The following NLRP9 variants were observed in gnomAD, a reference collection of about 807,000 sequenced individuals.
NLRP9 encodes the protein NLR family pyrin domain containing 9.
In NLRP9, 88 loss-of-function variants were observed where a neutral mutation model predicts 83.1. That is an observed-to-expected ratio of 1.06 (90% confidence interval 0.89 to 1.26). The LOEUF (loss-of-function observed/expected upper bound fraction) is 1.26, where lower values mean the gene tolerates loss of function less well. Ranked by LOEUF, NLRP9 falls within the 50% of genes most tolerant of loss-of-function variation. The pLI is 0.00. For missense variants in NLRP9, 1,308 were observed against 1,179.3 expected, an observed-to-expected ratio of 1.11 and a Z score of -1.60; for synonymous variants, 521 against 447.6, an observed-to-expected ratio of 1.16 and a Z score of -2.07.
At position 55,738,114 on chromosome 19, in the gene NLRP9, C is replaced by T. The variant is rs1475418585; in HGVS notation, c.261G>A (p.Lys87=). The change falls in exon 1 of 9, where the codon AAG becomes AAA. Residue 87 remains lysine, a synonymous_variant. Transcript: ENST00000332836. ...ACTTACTTCTCATCTCTTCCTGAGC[C>T]TTTGTCCAGAGATCTTTCCTATTGA... ...LQINRKDLWT[K]AQEEMRNKLN... The T allele has an allele frequency of 6.2e-7, 1 of 1,614,026 alleles. No individual in the cohort carries two copies. Among genetic ancestry groups the T allele is most frequent in the Non-Finnish European group, 8.5e-7 (1 of 1,180,020 alleles).
At chr19:55,710,448 T>C (rs1018339592) in intron 8 of NLRP9, among the ~76,000 whole-genome samples, 2 of 152,128 alleles carry the variant, frequency 1.3e-5, no homozygotes, top group African/African-American at 4.8e-5. Flanking sequence ...GGTTTGAATC[T>C]GTGTCCCCAC....
At chr19:55,719,915 A>G (rs1988170559) in intron 4 of NLRP9, among the ~76,000 whole-genome samples, 1 of 152,218 alleles carries the variant, frequency 6.6e-6, no homozygotes, top group Non-Finnish European at 1.5e-5. Context: ...CACATTGCCT[A>G]CAATGGGACG....
chr19:55,711,110 A>AT (rs1406251124), intron 8 of NLRP9, among the ~76,000 whole-genome samples: 45 of 149,948 alleles, frequency 3.0e-4, no homozygotes, highest in Middle Eastern at 3.4e-3. Context: ...AAACAAAACA[A>AT]AAAAAAAACC....
chr19:55,721,982 T>C (rs1237924232), intron 4 of NLRP9, among the ~76,000 whole-genome samples: 1 of 152,198 alleles, frequency 6.6e-6, no homozygotes, highest in Admixed American at 6.5e-5. Flanking sequence ...CTATCAGCAG[T>C]GTGAAAACGG....
At chr19:55,723,475 C>T (rs1022061149) in intron 4 of NLRP9, among the ~76,000 whole-genome samples, 6 of 151,934 alleles carry the variant, frequency 3.9e-5, no homozygotes, top group African/African-American at 1.2e-4. Context: ...TACTGTAATC[C>T]CAGTACTTTA....
In NLRP9 at chr19:55,732,363, G is replaced by A; in HGVS notation, c.1468C>T (p.Gln490Ter). The change falls in exon 2 of 9, where the codon CAG becomes TAG. Residue 490 changes from glutamine (Q) to a stop codon, truncating the protein, a stop_gained. Coordinates refer to ENST00000332836, the MANE Select transcript of NLRP9 (RefSeq NM_176820.4). LOFTEE classifies it high-confidence loss of function. ...SVVQPQTLLTQVGIFMFGIST... is the reference protein window; with the variant it reads ...SVVQPQTLLT ...ATTCCAAACATGAATATCCCCACCT[G>A]GGTCAAGAGGGTTTGAGGCTGAACC... The A allele has an allele frequency of 6.2e-7, 1 of 1,614,192 alleles. No individual in the cohort carries two copies. The highest frequency in any genetic ancestry group is 1.1e-5 in the South Asian group (1 of 91,080).
chr19:55,715,293 A>G (rs1436073736), intron 5 of NLRP9, 68 bp from the exon 6 acceptor site: 27 of 1,354,986 alleles, frequency 2.0e-5, no homozygotes, highest in Non-Finnish European at 2.7e-5. Context: ...GAAACACACC[A>G]TCTCCCAGCC....
At chr19:55,722,333 T>C (rs535107221) in intron 4 of NLRP9, among the ~76,000 whole-genome samples, 3 of 152,258 alleles carry the variant, frequency 2.0e-5, no homozygotes, top group Admixed American at 6.5e-5. Context: ...ATTTTGAAAG[T>C]TCCCCCTGAG....
In NLRP9 at chr19:55,711,813, G is replaced by A; in HGVS notation, c.2830C>T (p.Leu944=). 6.2e-7 allele frequency: 1 copy of A among 1,613,200 alleles called. No individual in the cohort carries two copies. Among genetic ancestry groups the A allele is most frequent in the South Asian group, 1.1e-5 (1 of 91,082 alleles). ...GTGTCCACTCACCCCAGCATCTGCA[G>A]GGCACAGTCCGGGTGGCTCAATGCC... ...CEALSHPDCA[L]QMLGLHKSGF... Residue 944 remains leucine (L), a synonymous_variant, in exon 8 of 9, where the codon CTG becomes TTG. Coordinates refer to ENST00000332836, the MANE Select transcript of NLRP9 (RefSeq NM_176820.4).
Position 55,732,781 on chromosome 19 carries a change from CCT to C in NLRP9, c.1048_1049del (p.Arg350AlafsTer8), listed in dbSNP as rs753838502. The C allele has an allele frequency of 1.1e-5, 18 of 1,614,042 alleles. No individual in the cohort carries two copies. The highest frequency in any genetic ancestry group is 6.7e-5 in the East Asian group (3 of 44,900). On this transcript the variant is annotated frameshift_variant, in exon 2 of 9. Coordinates refer to ENST00000332836, the MANE Select transcript of NLRP9 (RefSeq NM_176820.4). LOFTEE classifies it high-confidence loss of function. ...CWLVCTCVKQ[R>X]LERGEDLEIN... Reference sequence around the variant, plus strand: ...TTTCAAGGTCTTCTCCCCTCTCTAGCCTCTGTTTCACACAAGTACAGACCAAC... The same window carrying C: ...TTTCAAGGTCTTCTCCCCTCTCTAGCCTGTTTCACACAAGTACAGACCAAC...
At chr19:55,726,549 A>G (rs1034378556) in intron 3 of NLRP9, among the ~76,000 whole-genome samples, 3 of 152,192 alleles carry the variant, frequency 2.0e-5, no homozygotes, top group African/African-American at 4.8e-5. Context: ...AGTCTGCCCT[A>G]CAACCCAAGG....
chr19:55,714,478 CT>C (rs1266677408), intron 6 of NLRP9, among the ~76,000 whole-genome samples: 2 of 152,180 alleles, frequency 1.3e-5, no homozygotes, highest in Non-Finnish European at 2.9e-5. Flanking sequence ...CCATCCAGGC[CT>C]TTCTAGGGCT....
At chr19:55,717,839 G>A (rs1988079381) in intron 4 of NLRP9, among the ~76,000 whole-genome samples, 1 of 152,194 alleles carries the variant, frequency 6.6e-6, no homozygotes, top group South Asian at 2.1e-4. Flanking sequence ...GGTTCAGAGA[G>A]CGTCCAGGTT....
chr19:55,712,668 T>G, intron 6 of NLRP9, 78 bp from the exon 7 acceptor site: 1 of 1,309,496 alleles, frequency 7.6e-7, no homozygotes, highest in Non-Finnish European at 1.1e-6. Context: ...CATTTATTCA[T>G]ATGACGCAAG....
chr19:55,730,907 CT>C (rs1462806506), intron 2 of NLRP9, among the ~76,000 whole-genome samples: 1 of 152,044 alleles, frequency 6.6e-6, no homozygotes, highest in Non-Finnish European at 1.5e-5. Flanking sequence ...ACATGTATCC[CT>C]GAACTTAAAA....
chr19:55,710,527 G>A lies in NLRP9; in HGVS notation c.2843+1273C>T, dbSNP rs140876269. On this transcript the variant is annotated intron_variant, in intron 8 of 8. Transcript: ENST00000332836. The stretch of plus-strand genomic sequence containing the variant: ...GCCTGGTGGGAGGTGACTGGATCAT[G>A]GGGGTGGATCCTTCGTGAATGGTTG... 1.2e-3 allele frequency among the ~76,000 whole-genome samples: 183 copies of A among 152,236 alleles called. 1 individual carries two copies. The highest frequency in any genetic ancestry group is 4.0e-3 in the African/African-American group (168 of 41,552).
At position 55,712,589 on chromosome 19, in the gene NLRP9, A is replaced by G. The variant is rs773377332; in HGVS notation, c.2503T>C (p.Leu835=). Residue 835 remains leucine (L), a splice_region_variant and synonymous_variant, in exon 7 of 9, where the codon TTG becomes CTG. Transcript: ENST00000332836. ...HPGCSIRELW[L]MGCFLTSDSC... is the part of the protein sequence containing the mutation. ...TCGGAAGTAAGGAAACAGCCCATCA[A>G]CCTGGGGAGGTGGAAGACACACAAA... is the stretch of plus-strand genomic sequence containing the variant. The G allele has an allele frequency of 1.2e-6, 2 of 1,611,850 alleles. No homozygotes were observed. Among genetic ancestry groups the G allele is most frequent in the South Asian group, 1.1e-5 (1 of 91,008 alleles).
chr19:55,715,065 GTATGC>G lies in NLRP9; in HGVS notation c.2486_2490del (p.Ser829ThrfsTer16). 1.2e-6 allele frequency: 2 copies of G among 1,609,786 alleles called. No homozygotes were observed. The highest frequency in any genetic ancestry group is 2.7e-5 in the African/African-American group (2 of 74,946). ...CATGGCCGGTCCTACCACAGCTCCC[GTATGC>G]TGCAGCCTGGGTGCTTCAGCGCTGC... On this transcript the variant is annotated frameshift_variant, in exon 6 of 9. Coordinates refer to ENST00000332836, the MANE Select transcript of NLRP9 (RefSeq NM_176820.4). LOFTEE classifies it high-confidence loss of function.
At chr19:55,735,153 C>T (rs879626625) in intron 1 of NLRP9, among the ~76,000 whole-genome samples, 2 of 152,226 alleles carry the variant, frequency 1.3e-5, no homozygotes, top group Non-Finnish European at 2.9e-5. Context: ...CTTGCACACT[C>T]GTCTGTGGAC....
Sources: gnomAD v4.1 joint callset for allele counts (sites outside exome capture counted in the v4.1 genomes callset) on GRCh38, gnomAD v4.1.1 for gene constraint, MANE v1.5 for transcripts, NCBI Gene and HGNC (gene_info 2026-07-23, HGNC 2026-07-21) for gene names.